MYCBP2: variants seen among roughly 807,000 people sequenced by gnomAD.
The protein encoded by MYCBP2 is E3 ubiquitin-protein ligase MYCBP2.
Under a neutral mutation model 525.3 loss-of-function variants are expected in MYCBP2, and 120 were observed. That is an observed-to-expected ratio of 0.23 (90% CI 0.20 to 0.27). MYCBP2 has a LOEUF of 0.27. Ranked by LOEUF, MYCBP2 falls within the 10% of genes least tolerant of loss-of-function variation. The pLI, the probability that MYCBP2 is intolerant of heterozygous loss-of-function variation, is 1.00. For missense variants in MYCBP2, 4,149 were observed against 5,657.1 expected (o/e 0.73, Z 8.55); for synonymous variants, 1,894 against 1,955.8 (o/e 0.97, Z 0.83).
chr13:77,170,345 C>T (rs1204860900), intron 38 of MYCBP2, among the ~76,000 whole-genome samples: 1 of 152,182 alleles, frequency 6.6e-6, no homozygotes, highest in Non-Finnish European at 1.5e-5. Context: ...TAAGCTGAGC[C>T]TATACTGTGA....
chr13:77,112,190 T>C (rs1000092436), intron 55 of MYCBP2, among the ~76,000 whole-genome samples: 8 of 151,574 alleles, frequency 5.3e-5, no homozygotes, highest in African/African-American at 1.9e-4. Context: ...CCCAATAATA[T>C]ACATACTTCT....
intron 23 of MYCBP2, among the ~76,000 whole-genome samples, chr13:77,208,421 T>C (rs2063599846): frequency 6.6e-6 from 1 of 151,958 alleles, no homozygotes; most frequent in Non-Finnish European, 1.5e-5. Flanking sequence ...CCTGTGTATT[T>C]GTTCACTGTA....
chr13:77,045,184 C>A lies in MYCBP2; in HGVS notation c.*194G>T, dbSNP rs774556708. On this transcript the variant is annotated 3_prime_UTR_variant, in exon 83 of 83. Coordinates refer to ENST00000544440, the MANE Select transcript of MYCBP2 (RefSeq NM_015057.5). ...TGTCATTTGTTCAAAAGAAGATAAA[C>A]CAAAATAATGGGGAAACTTTTCATA... 7 of 486,044 alleles carry A rather than the reference C, an allele frequency of 1.4e-5. No homozygotes were observed. Among genetic ancestry groups the A allele is most frequent in the Non-Finnish European group, 2.5e-5 (7 of 275,760 alleles). The allele number at this position is 486,044 out of a possible 1,614,324, so 30.1% of individuals were successfully genotyped here. A position where few individuals can be genotyped will look rare whatever the true frequency, so the allele number is the denominator to read the frequency against.
At chr13:77,138,458 C>T (rs2054090898) in intron 52 of MYCBP2, among the ~76,000 whole-genome samples, 1 of 152,092 alleles carries the variant, frequency 6.6e-6, no homozygotes, top group Non-Finnish European at 1.5e-5. Flanking sequence ...GTTTAAAATA[C>T]TAAGTTTTTA....
intron 23 of MYCBP2, among the ~76,000 whole-genome samples, chr13:77,210,832 T>A (rs1215263178): frequency 6.6e-6 from 1 of 152,146 alleles, no homozygotes; most frequent in Non-Finnish European, 1.5e-5. Flanking sequence ...TAGCAAACAC[T>A]TATATGGCAC....
chr13:77,128,325 C>T (rs1048147928), intron 52 of MYCBP2, among the ~76,000 whole-genome samples: 1 of 151,814 alleles, frequency 6.6e-6, no homozygotes, highest in Non-Finnish European at 1.5e-5. Context: ...ACAACTGATT[C>T]TTAAAAATTA....
At chr13:77,114,438 T>C (rs1361022393) in intron 55 of MYCBP2, among the ~76,000 whole-genome samples, 3 of 152,130 alleles carry the variant, frequency 2.0e-5, no homozygotes, top group East Asian at 1.9e-4. Context: ...AGCTAGTAAG[T>C]AGCTGGAAGG....
At chr13:77,166,273 AAT>A (rs1491478712) in intron 41 of MYCBP2, 54 bp downstream of exon 41, 2 of 1,226,324 alleles carry the variant, frequency 1.6e-6, no homozygotes, top group African/African-American at 3.1e-5. Flanking sequence ...ACCCTTACTA[AAT>A]ATACATAAAT....
At chr13:77,054,373 A>C (rs1032380528) in intron 80 of MYCBP2, among the ~76,000 whole-genome samples, 3 of 152,116 alleles carry the variant, frequency 2.0e-5, no homozygotes, top group Non-Finnish European at 4.4e-5. Context: ...TATAAGTAGA[A>C]GAGTGATCCA....
At chr13:77,226,060 C>G (rs1168679496) in intron 18 of MYCBP2, among the ~76,000 whole-genome samples, 1 of 152,174 alleles carries the variant, frequency 6.6e-6, no homozygotes, top group East Asian at 1.9e-4. Context: ...CTCAACTGAA[C>G]TTTTCAAAAT....
chr13:77,077,567 T>C (rs1038043595), intron 66 of MYCBP2, 180 bp from the exon 67 acceptor site: 5 of 670,396 alleles, frequency 7.5e-6, no homozygotes, highest in African/African-American at 5.5e-5. Flanking sequence ...ATATTATTTA[T>C]AGTAGCTATT....
intron 1 of MYCBP2, among the ~76,000 whole-genome samples, chr13:77,322,119 C>G (rs1430117985): frequency 6.6e-6 from 1 of 152,168 alleles, no homozygotes; most frequent in Non-Finnish European, 1.5e-5. Flanking sequence ...TATGTTCACA[C>G]CATTGCACTC....
chr13:77,067,541 T>C, intron 71 of MYCBP2, 40 bp downstream of exon 71: 1 of 1,594,200 alleles, frequency 6.3e-7, no homozygotes, highest in South Asian at 1.1e-5. Context: ...AGTAGCTCAC[T>C]CTATTCTGTT....
In MYCBP2 at chr13:77,097,512, CTTTTCTT is replaced by C; in HGVS notation, c.9635_9641del (p.Lys3212ArgfsTer19). Reference sequence around the variant, plus strand: ...AATTACCCCTGGGCCTAACTTCTGCCTTTTCTTTTTTCTTTTTTTCCTTTTTGGACTT... The same window carrying C: ...AATTACCCCTGGGCCTAACTTCTGCCTTTTCTTTTTTTCCTTTTTGGACTT... On this transcript the variant is annotated frameshift_variant, in exon 56 of 83. Transcript: ENST00000544440. LOFTEE classifies it high-confidence loss of function. 6.2e-7 allele frequency: 1 copy of C among 1,612,540 alleles called. No homozygotes were observed. The highest frequency in any genetic ancestry group is 8.5e-7 in the Non-Finnish European group (1 of 1,179,380).
intron 20 of MYCBP2, among the ~76,000 whole-genome samples, chr13:77,220,448 G>T (rs187227702): frequency 5.0e-4 from 76 of 152,168 alleles, no homozygotes; most frequent in Non-Finnish European, 1.5e-4. Context: ...CCTAGAGACT[G>T]AACTCAGTCA....
intron 56 of MYCBP2, 117 bp downstream of exon 56, chr13:77,097,253 T>A: frequency 7.3e-7 from 1 of 1,377,956 alleles, no homozygotes; most frequent in Non-Finnish European, 9.7e-7. Context: ...AAAAATGACA[T>A]TCTAAGATAC....
rs60371737 is a variant in MYCBP2, at chr13:77,070,573, A to AACACAC, written c.11904+52_11904+57dup. The AACACAC allele has an allele frequency of 8.8e-5, 95 of 1,079,598 alleles. No homozygotes were observed. In the African/African-American group the frequency reaches 9.3e-4, roughly 11 times the overall value. The allele number at this position is 1,079,598 out of a possible 1,614,324, so 66.9% of individuals were successfully genotyped here. ...TAACAAACAAACAGACAAACAAACAAACACACACACACACACACACAAAAC... is the reference window on the plus strand; with the variant it reads ...TAACAAACAAACAGACAAACAAACAAACACACACACACACACACACACACACAAAAC... On this transcript the variant is annotated intron_variant, in intron 69 of 82. Coordinates refer to ENST00000544440, the MANE Select transcript of MYCBP2 (RefSeq NM_015057.5).
intron 26 of MYCBP2, among the ~76,000 whole-genome samples, chr13:77,203,328 C>G (rs1742290714): frequency 6.6e-6 from 1 of 152,010 alleles, no homozygotes; most frequent in African/African-American, 2.4e-5. Context: ...CCTAGGAATC[C>G]AACTTACAAG....
At chr13:77,259,939 A>G (rs549701200) in intron 13 of MYCBP2, among the ~76,000 whole-genome samples, 2 of 152,336 alleles carry the variant, frequency 1.3e-5, no homozygotes, top group African/African-American at 4.8e-5. Flanking sequence ...CTTTTGGTTT[A>G]TCAGTCACCC....
Sources: allele counts gnomAD v4.1 joint callset (sites outside exome capture counted in the v4.1 genomes callset), GRCh38; gene constraint gnomAD v4.1.1; transcripts MANE v1.5; gene names NCBI Gene and HGNC (gene_info 2026-07-23, HGNC 2026-07-21).